STX3: variants seen among roughly 807,000 people sequenced by gnomAD.
STX3 encodes syntaxin 3.
Under a neutral mutation model 40.2 loss-of-function variants are expected in STX3, and 19 were observed. That is an observed-to-expected ratio of 0.47 (90% CI 0.33 to 0.69). STX3 has a LOEUF of 0.69. Among genes scored for constraint, STX3 ranks in the 30% least tolerant of loss-of-function variants. The pLI is 0.02. For synonymous variants in STX3, 122 were observed against 132.2 expected, an observed-to-expected ratio of 0.92 and a Z score of 0.53; for missense variants, 364 against 366.7, an observed-to-expected ratio of 0.99 and a Z score of 0.06.
intron 9 of STX3, 146 bp downstream of exon 9, chr11:59,795,628 C>T: frequency 6.5e-7 from 1 of 1,539,258 alleles, no homozygotes; most frequent in Non-Finnish European, 8.7e-7. Flanking sequence ...GTATTGAGAA[C>T]AACATGGACC....
rs1337149158 is a variant in STX3 at position 59,801,867 on chromosome 11, G to A, written c.*1043G>A. 2.0e-6 allele frequency: 2 copies of A among 984,842 alleles called. No homozygotes were observed. The highest frequency in any genetic ancestry group is 2.4e-6 in the Non-Finnish European group (2 of 829,816). The allele number at this position is 984,842 out of a possible 1,614,324, so 61.0% of individuals were successfully genotyped here. A position where few individuals can be genotyped will look rare whatever the true frequency, so the allele number is the denominator to read the frequency against. On this transcript the variant is annotated 3_prime_UTR_variant, in exon 11 of 11. Transcript: ENST00000337979. ...TGAGCTAGGATAAAAATTGGGTAAA[G>A]GACATTTGCTTACCTGCAAATGAAT...
upstream of STX3, chr11:59,755,375 C>G (rs1395673384): frequency 8.5e-6 from 3 of 351,100 alleles, no homozygotes; most frequent in East Asian, 9.4e-5. Context: ...GCCCGGGAGC[C>G]GGATTTGGAG....
chr11:59,772,217 ACCT>A (rs1863691572), intron 1 of STX3, among the ~76,000 whole-genome samples: 2 of 152,186 alleles, frequency 1.3e-5, no homozygotes, highest in African/African-American at 4.8e-5. Flanking sequence ...CCCCTGCCTC[ACCT>A]CCACCTTTCA....
intron 10 of STX3, 106 bp from the exon 11 acceptor site, chr11:59,800,749 A>C (rs1457518338): frequency 6.6e-7 from 1 of 1,521,816 alleles, no homozygotes; most frequent in Non-Finnish European, 8.8e-7. Flanking sequence ...TTTCATAGTG[A>C]TTTCTGGTCT....
chr11:59,792,936 G>C (rs1865287580), intron 6 of STX3, among the ~76,000 whole-genome samples, 163 bp from the exon 7 acceptor site: 1 of 152,166 alleles, frequency 6.6e-6, no homozygotes, highest in South Asian at 2.1e-4. Flanking sequence ...GTTAAGGATG[G>C]CTTGGATTAG....
chr11:59,803,310 C>T lies in STX3; in HGVS notation c.*2486C>T. The stretch of plus-strand genomic sequence containing the variant: ...TATTTGCCTGAAAAAGGTGAGCCAT[C>T]TGTGGGGAGGGTCAGACCTTCTTTC... On this transcript the variant is annotated 3_prime_UTR_variant, in exon 11 of 11. Coordinates refer to ENST00000337979, the MANE Select transcript of STX3 (RefSeq NM_004177.5). The T allele has an allele frequency of 2.4e-6, 3 of 1,230,356 alleles. No individual in the cohort carries two copies. Among genetic ancestry groups the T allele is most frequent in the Non-Finnish European group, 2.0e-6 (2 of 986,772 alleles). The allele number at this position is 1,230,356 out of a possible 1,614,324, so 76.2% of individuals were successfully genotyped here.
intron 2 of STX3, among the ~76,000 whole-genome samples, chr11:59,778,535 TAAAAA>T (rs1035001375): frequency 6.6e-6 from 1 of 152,144 alleles, no homozygotes; most frequent in Non-Finnish European, 1.5e-5. Flanking sequence ...AGATTTCTGT[TAAAAA>T]GAAAGAGAGG....
intron 2 of STX3, among the ~76,000 whole-genome samples, chr11:59,781,932 T>G (rs921057671): frequency 6.6e-6 from 1 of 152,164 alleles, no homozygotes; most frequent in Non-Finnish European, 1.5e-5. Context: ...TCGCAATAAG[T>G]TTTCAATACG....
rs1483638531 is a variant in STX3, at chr11:59,797,305, T to C, written c.809T>C (p.Leu270Pro). The C allele has an allele frequency of 6.2e-7, 1 of 1,613,964 alleles. No homozygotes were observed. Among genetic ancestry groups the C allele is most frequent in the East Asian group, 2.2e-5 (1 of 44,874 alleles). The change falls in exon 10 of 11, where the codon CTA (leucine) becomes CCA (proline). Residue 270 changes from leucine (L) to proline (P), a missense_variant. Coordinates refer to ENST00000337979, the MANE Select transcript of STX3 (RefSeq NM_004177.5). Reference sequence around the variant, plus strand: ...CAGAAATTGATAATTATCATTGTGCTAGTAGTTGTGTTGCTGGGCATTTTA... The same window carrying C: ...CAGAAATTGATAATTATCATTGTGCCAGTAGTTGTGTTGCTGGGCATTTTA... Reference protein sequence around the residue: ...ARKKLIIIIVLVVVLLGILAL... With the variant: ...ARKKLIIIIVPVVVLLGILAL...
chr11:59,801,329 T>C lies in STX3; in HGVS notation c.*505T>C, dbSNP rs183089906. 3,085 of 993,408 alleles carry C rather than the reference T, an allele frequency of 3.1e-3. 5 individuals carry two copies. Among genetic ancestry groups the C allele is most frequent in the Non-Finnish European group, 3.6e-3 (2,978 of 834,518 alleles). The allele number at this position is 993,408 out of a possible 1,614,324, so 61.5% of individuals were successfully genotyped here. On this transcript the variant is annotated 3_prime_UTR_variant, in exon 11 of 11. Transcript: ENST00000337979. ...TCTACCTGGCAGGATGCCAATCCTG[T>C]TTGTTGTCCGTATGTCCTGAAAACA...
chr11:59,759,126 T>C (rs1862891541), intron 1 of STX3, among the ~76,000 whole-genome samples: 1 of 152,208 alleles, frequency 6.6e-6, no homozygotes, highest in Admixed American at 6.5e-5. Flanking sequence ...GTAAAGGTGG[T>C]TGGAGATACA....
chr11:59,774,221 G>A (rs570391497), intron 2 of STX3, among the ~76,000 whole-genome samples: 36 of 152,128 alleles, frequency 2.4e-4, no homozygotes, highest in Non-Finnish European at 4.1e-4. Flanking sequence ...TTTCGAGCTG[G>A]GTAAACTTGG....
At position 59,802,374 on chromosome 11, in the gene STX3, C is replaced by T. The variant is rs192514576; in HGVS notation, c.*1550C>T. On this transcript the variant is annotated 3_prime_UTR_variant, in exon 11 of 11. Coordinates refer to ENST00000337979, the MANE Select transcript of STX3 (RefSeq NM_004177.5). ...TGTATATTTTCCGCTTTGACTTTAA[C>T]GCTTTCTAGGATAGGGTAAGCACCC... 8 of 985,566 alleles carry T rather than the reference C, an allele frequency of 8.1e-6. No individual in the cohort carries two copies. The East Asian group carries it at 4.5e-4, about 56-fold the overall frequency. 61.1% of individuals were successfully genotyped at this position (985,566 alleles called of 1,614,324 possible).
chr11:59,765,517 A>C (rs1863237782), intron 1 of STX3, among the ~76,000 whole-genome samples: 1 of 152,108 alleles, frequency 6.6e-6, no homozygotes, highest in Non-Finnish European at 1.5e-5. Flanking sequence ...AAAAACCAGG[A>C]GTCAGGCTGG....
chr11:59,781,814 A>G, intron 2 of STX3: 8 of 1,224,648 alleles, frequency 6.5e-6, no homozygotes, highest in Non-Finnish European at 8.1e-6. Flanking sequence ...GAGCAGCTCT[A>G]ATATGAAGAC....
At chr11:59,765,092 A>G (rs1338971675) in intron 1 of STX3, among the ~76,000 whole-genome samples, 1 of 152,096 alleles carries the variant, frequency 6.6e-6, no homozygotes, top group Non-Finnish European at 1.5e-5. Context: ...CTTCAAAGTA[A>G]AAGCATGAGG....
At chr11:59,758,244 A>G (rs1435689524) in intron 1 of STX3, among the ~76,000 whole-genome samples, 1 of 152,172 alleles carries the variant, frequency 6.6e-6, no homozygotes, top group Non-Finnish European at 1.5e-5. Flanking sequence ...CAGCATGGGA[A>G]GGAAGCAAGA....
chr11:59,800,859 T>C lies in STX3; in HGVS notation c.*35T>C. ...CCTCCTTTCCCTGCCTCCTAGAAAC[T>C]GATTTCACTCCAGACTGGTGTGGCC... On this transcript the variant is annotated 3_prime_UTR_variant, in exon 11 of 11. Coordinates refer to ENST00000337979, the MANE Select transcript of STX3 (RefSeq NM_004177.5). The C allele has an allele frequency of 6.5e-7, 1 of 1,536,396 alleles. No individual in the cohort carries two copies. The highest frequency in any genetic ancestry group is 8.7e-7 in the Non-Finnish European group (1 of 1,146,902).
intron 1 of STX3, among the ~76,000 whole-genome samples, chr11:59,758,661 C>A (rs1862865639): frequency 6.6e-6 from 1 of 152,180 alleles, no homozygotes; most frequent in Non-Finnish European, 1.5e-5. Flanking sequence ...CCCTCGACAG[C>A]CTGCTTTTTC....
Sources: allele counts gnomAD v4.1 joint callset (sites outside exome capture counted in the v4.1 genomes callset), GRCh38; gene constraint gnomAD v4.1.1; transcripts MANE v1.5; gene names NCBI Gene and HGNC (gene_info 2026-07-23, HGNC 2026-07-21).